FMN1: variants seen among roughly 807,000 people sequenced by gnomAD.
FMN1 encodes formin 1.
A neutral mutation model predicts 132.4 loss-of-function variants in FMN1; 110 were observed. The ratio of observed to expected loss-of-function variants is 0.83; its 90% confidence interval spans 0.71 to 0.97. The LOEUF is 0.97. Among genes scored for constraint, FMN1 ranks in the 50% least tolerant of loss-of-function variants. FMN1 has a pLI of 0.00. For missense variants in FMN1, 1,792 were observed against 1,705.3 expected (o/e 1.05, Z -0.90); for synonymous variants, 722 against 651.7 (o/e 1.11, Z -1.64).
At chr15:33,094,550 G>GT (rs1419938790) in intron 4 of FMN1, among the ~76,000 whole-genome samples, 2 of 152,168 alleles carry the variant, frequency 1.3e-5, no homozygotes, top group Non-Finnish European at 2.9e-5. Context: ...ACAGCTCCAA[G>GT]TAAGTGGCTG....
At chr15:33,116,537 CT>C (rs2140151226) in intron 4 of FMN1, among the ~76,000 whole-genome samples, 1 of 152,206 alleles carries the variant, frequency 6.6e-6, no homozygotes, top group East Asian at 1.9e-4. Flanking sequence ...AAGAATCGTT[CT>C]TTGCTCAATT....
At chr15:33,158,953 G>A (rs1487744670) in intron 3 of FMN1, among the ~76,000 whole-genome samples, 1 of 152,194 alleles carries the variant, frequency 6.6e-6, no homozygotes, top group Non-Finnish European at 1.5e-5. Context: ...TTGGGAGCCT[G>A]AGGTGGGTGG....
Position 32,978,564 on chromosome 15 carries a change from A to C in FMN1, c.2224-9087T>G. ...TTCTCTATTAAAAGAGAGAACTTGC[A>C]ATTTTATGTTGTATTATTATTATCA... On this transcript the variant is annotated intron_variant, in intron 7 of 20. Transcript: ENST00000616417. Among the ~76,000 whole-genome samples, 2 of 152,198 alleles carry C rather than the reference A, an allele frequency of 1.3e-5. 1 individual carries two copies. Among genetic ancestry groups the C allele is most frequent in the Non-Finnish European group, 2.9e-5 (2 of 68,038 alleles).
intron 9 of FMN1, among the ~76,000 whole-genome samples, chr15:32,953,929 CAGT>C (rs1251835243): frequency 6.6e-6 from 1 of 152,170 alleles, no homozygotes; most frequent in African/African-American, 2.4e-5. Context: ...TACACACACT[CAGT>C]TTAAAAATGT....
intron 7 of FMN1, among the ~76,000 whole-genome samples, chr15:33,000,708 G>A (rs2034052309): frequency 6.6e-6 from 1 of 152,158 alleles, no homozygotes; most frequent in Non-Finnish European, 1.5e-5. Context: ...TAATCAATTA[G>A]GGTAGTATCC....
intron 10 of FMN1, among the ~76,000 whole-genome samples, chr15:32,925,902 A>C (rs1322575496): frequency 6.6e-6 from 1 of 152,156 alleles, no homozygotes; most frequent in Non-Finnish European, 1.5e-5. Flanking sequence ...CTGTAAAACA[A>C]ATAAATAAAT....
At chr15:32,994,773 G>A (rs550170490) in intron 7 of FMN1, among the ~76,000 whole-genome samples, 9 of 152,218 alleles carry the variant, frequency 5.9e-5, no homozygotes, top group Admixed American at 5.9e-4. Context: ...TTATTTTAAG[G>A]TGGTCCTTTG....
At chr15:33,148,237 G>A (rs973627602) in intron 4 of FMN1, among the ~76,000 whole-genome samples, 1 of 152,110 alleles carries the variant, frequency 6.6e-6, no homozygotes, top group African/African-American at 2.4e-5. Flanking sequence ...AAATCGGAGG[G>A]AAAAAACTGT....
At chr15:32,831,740 C>T (rs1163149008) in intron 17 of FMN1, among the ~76,000 whole-genome samples, 1 of 144,364 alleles carries the variant, frequency 6.9e-6, no homozygotes, top group African/African-American at 2.6e-5. Flanking sequence ...TCAAAGAATG[C>T]AGCCTTTTTT....
At chr15:32,789,667 A>T (rs1216746545) in intron 19 of FMN1, among the ~76,000 whole-genome samples, 2 of 152,188 alleles carry the variant, frequency 1.3e-5, no homozygotes, top group Non-Finnish European at 2.9e-5. Flanking sequence ...AGGGTACAGT[A>T]ATATTCTAGG....
intron 4 of FMN1, among the ~76,000 whole-genome samples, chr15:33,110,127 C>T (rs1399782730): frequency 6.6e-6 from 1 of 152,014 alleles, no homozygotes. Context: ...CAATATAACG[C>T]TTCTCCTAGG....
intron 16 of FMN1, among the ~76,000 whole-genome samples, chr15:32,868,522 G>T (rs947728109): frequency 7.9e-5 from 12 of 152,122 alleles, no homozygotes; most frequent in African/African-American, 2.9e-4. Context: ...ATTGCCTAAC[G>T]ACACATTTCT....
At chr15:33,000,590 G>A (rs778378473) in intron 7 of FMN1, among the ~76,000 whole-genome samples, 3 of 152,076 alleles carry the variant, frequency 2.0e-5, no homozygotes, top group Non-Finnish European at 4.4e-5. Flanking sequence ...AGACCAGCCT[G>A]GGCAACATGG....
chr15:33,126,764 G>C (rs1243025921), intron 4 of FMN1, among the ~76,000 whole-genome samples: 1 of 151,772 alleles, frequency 6.6e-6, no homozygotes, highest in African/African-American at 2.4e-5. Context: ...AGGGAAGACA[G>C]ATTACTGGAA....
At chr15:33,097,194 G>A (rs1370374563) in intron 4 of FMN1, among the ~76,000 whole-genome samples, 2 of 151,960 alleles carry the variant, frequency 1.3e-5, no homozygotes, top group Non-Finnish European at 2.9e-5. Flanking sequence ...CTACTTGGGA[G>A]GCTGAGGTGG....
intron 4 of FMN1, among the ~76,000 whole-genome samples, chr15:33,110,906 A>G (rs369557956): frequency 7.8e-4 from 119 of 152,202 alleles, no homozygotes; most frequent in African/African-American, 2.8e-3. Flanking sequence ...ACCTTAAAGA[A>G]GTTCTAAAAA....
chr15:33,162,262 C>T (rs1457309672), intron 3 of FMN1, among the ~76,000 whole-genome samples: 2 of 152,110 alleles, frequency 1.3e-5, no homozygotes, highest in Non-Finnish European at 2.9e-5. Context: ...ATCTGCCCAC[C>T]TTAGCCTCCC....
At chr15:33,015,525 C>T (rs1344744380) in intron 6 of FMN1, among the ~76,000 whole-genome samples, 1 of 152,174 alleles carries the variant, frequency 6.6e-6, no homozygotes, top group Non-Finnish European at 1.5e-5. Flanking sequence ...ATCACACACG[C>T]ACATGACATG....
At position 32,933,836 on chromosome 15, in the gene FMN1, TATCTTTTTCC is replaced by T. The variant is rs1222413109; in HGVS notation, c.3139-7585_3139-7576del. ...GGTTTTTTTAAATTAACTCTTGGAA[TATCTTTTTCC>T]ATCCCTTTTCACTTTCAGCCTGTGT... On this transcript the variant is annotated intron_variant, in intron 9 of 20. Transcript: ENST00000616417. Among the ~76,000 whole-genome samples, 7 of 152,326 alleles carry T rather than the reference TATCTTTTTCC, an allele frequency of 4.6e-5. No individual in the cohort carries two copies. The East Asian group carries it at 1.3e-3, about 29-fold the overall frequency.
Sources: gnomAD v4.1 joint callset for allele counts (sites outside exome capture counted in the v4.1 genomes callset) on GRCh38, gnomAD v4.1.1 for gene constraint, MANE v1.5 for transcripts, NCBI Gene and HGNC (gene_info 2026-07-23, HGNC 2026-07-21) for gene names.